The following HRNR variants were observed in gnomAD, a reference collection of about 807,000 sequenced individuals.
The protein encoded by HRNR is filaggrin family member 3.
HRNR carries 7 observed loss-of-function variants against 4.8 expected under a neutral mutation model. That is an observed-to-expected ratio of 1.47 (90% CI 0.83 to 2.75). HRNR has a LOEUF of 2.75. HRNR is among the 30% of genes most tolerant of loss of function. HRNR has a pLI of 0.00. For synonymous variants in HRNR, 1,023 were observed against 1,242.7 expected, an observed-to-expected ratio of 0.82 and a Z score of 3.72; for missense variants, 2,879 against 3,010.4, an observed-to-expected ratio of 0.96 and a Z score of 1.02.
intron 2 of HRNR, among the ~76,000 whole-genome samples, 175 bp from the exon 3 acceptor site, chr1:152,221,665 G>A (rs1160783337): frequency 6.6e-6 from 1 of 152,126 alleles, no homozygotes; most frequent in Admixed American, 6.5e-5. Context: ...AAAGGAATAT[G>A]GAATGAATAA....
Position 152,220,169 on chromosome 1 carries a change from T to C in HRNR, c.1460A>G (p.His487Arg), listed in dbSNP as rs757267779. ...GYTQHGSGSG[H>R]SSGHGQHGSR... is the part of the protein sequence containing the mutation. ...GCCGTGTTGTCCGTGGCCGGAGGAG[T>C]GACCTGAGCCAGATCCATGCTGAGT... The change falls in exon 3 of 3, where the codon CAC (histidine) becomes CGC (arginine). Residue 487 changes from histidine to arginine, a missense_variant. By Grantham distance (29) the His-to-Arg change is conservative (BLOSUM62 0). Transcript: ENST00000368801. 1 of 1,612,892 alleles carries C rather than the reference T, an allele frequency of 6.2e-7. No homozygotes were observed. The highest frequency in any genetic ancestry group is 2.2e-5 in the East Asian group (1 of 44,818).
rs778452988 is a variant in HRNR at position 152,219,971 on chromosome 1, C to T, written c.1658G>A (p.Arg553Lys). 2 of 1,613,386 alleles carry T rather than the reference C, an allele frequency of 1.2e-6. No individual in the cohort carries two copies. Among genetic ancestry groups the T allele is most frequent in the African/African-American group, 2.7e-5 (2 of 74,646 alleles). The change falls in exon 3 of 3, where the codon AGG becomes AAG. Residue 553 changes from arginine (R) to lysine (K), a missense_variant. Physicochemically the swap from Arg to Lys is conservative, Grantham distance 26. Around this residue, in one of 8 missense-constraint regions of HRNR, gnomAD observed 2,646 missense variants for 1,377.7 expected, o/e 1.92. Transcript: ENST00000368801. ...ATGTGGGCCATAGCTGGAAGACTGCCTGGAACCAGACTCATGTCGGCCACG... is the reference window on the plus strand; with the variant it reads ...ATGTGGGCCATAGCTGGAAGACTGCTTGGAACCAGACTCATGTCGGCCACG... ...PSRGRHESGS[R>K]QSSSYGPHGY...
rs974378625 is a variant in HRNR at position 152,212,976 on chromosome 1, C to T, written c.*100G>A. The T allele has an allele frequency of 1.1e-4, 161 of 1,483,728 alleles. No individual in the cohort carries two copies. The highest frequency in any genetic ancestry group is 6.6e-4 in the African/African-American group (47 of 71,126). The allele number at this position is 1,483,728 out of a possible 1,614,324, so 91.9% of individuals were successfully genotyped here. A position where few individuals can be genotyped will look rare whatever the true frequency, so the allele number is the denominator to read the frequency against. On this transcript the variant is annotated 3_prime_UTR_variant, in exon 3 of 3. Transcript: ENST00000368801. Reference sequence around the variant, plus strand: ...GAAATGCATTGATTCACTTTTAGAACGAATTTCATGATGGATTGCTTGTCT... The same window carrying T: ...GAAATGCATTGATTCACTTTTAGAATGAATTTCATGATGGATTGCTTGTCT...
rs1368661500 is a variant in HRNR, at chr1:152,220,833, G to A, written c.796C>T (p.Gln266Ter). The part of the protein sequence containing the change: ...GYGQHGSRSG[Q>*]SSRGERHRSS... ...CTGTGTCGTTCACCCCTAGATGACT[G>A]TCCTGACCTAGAGCCGTGTTGTCCG... Residue 266 changes from glutamine to a stop codon, truncating the protein, a stop_gained, in exon 3 of 3, where the codon CAG (glutamine) becomes TAG (stop). Coordinates refer to ENST00000368801, the MANE Select transcript of HRNR (RefSeq NM_001009931.3). LOFTEE classifies it low-confidence loss of function (END_TRUNC). The A allele has an allele frequency of 1.9e-6, 3 of 1,613,728 alleles. No homozygotes were observed. Among genetic ancestry groups the A allele is most frequent in the Non-Finnish European group, 2.5e-6 (3 of 1,179,954 alleles).
chr1:152,223,830 A>G (rs1176439043), intron 1 of HRNR, among the ~76,000 whole-genome samples: 1 of 152,192 alleles, frequency 6.6e-6, no homozygotes, highest in Admixed American at 6.5e-5. Context: ...TCCAAGCAGG[A>G]AGTGACCCTC....
chr1:152,220,764 C>G lies in HRNR; in HGVS notation c.865G>C (p.Gly289Arg). ...CCGTGGCCCAAAGACTGACGGGAACCAGACCCATGCTGACCATAGCTGGAA... is the reference window on the plus strand; with the variant it reads ...CCGTGGCCCAAAGACTGACGGGAACGAGACCCATGCTGACCATAGCTGGAA... ...SSSSYGQHGSGSRQSLGHGRQ... is the reference protein window; with the variant it reads ...SSSSYGQHGSRSRQSLGHGRQ... Residue 289 changes from glycine (G) to arginine (R), a missense_variant, in exon 3 of 3, where the codon GGT becomes CGT. Transcript: ENST00000368801. 1 of 1,614,170 alleles carries G rather than the reference C, an allele frequency of 6.2e-7. No individual in the cohort carries two copies. Among genetic ancestry groups the G allele is most frequent in the South Asian group, 1.1e-5 (1 of 91,088 alleles).
chr1:152,218,858 G>A lies in HRNR; in HGVS notation c.2771C>T (p.Ser924Phe), dbSNP rs1648781633. ...AAAGCCAGAAGACTGGCCTGAGCCA[G>A]ACCCATGTCGGCCACTGCTGGAAGA... ...GRSSSSGRHG[S>F]GSGQSSGFGH... is the part of the protein sequence containing the mutation. Residue 924 changes from serine to phenylalanine, a missense_variant, in exon 3 of 3, where the codon TCT becomes TTT. Coordinates refer to ENST00000368801, the MANE Select transcript of HRNR (RefSeq NM_001009931.3). The A allele has an allele frequency of 3.1e-6, 5 of 1,613,920 alleles. No homozygotes were observed. Among genetic ancestry groups the A allele is most frequent in the Non-Finnish European group, 4.2e-6 (5 of 1,179,988 alleles).
Position 152,218,686 on chromosome 1 carries a change from G to T in HRNR, c.2943C>A (p.Ser981=), listed in dbSNP as rs142440614. The change falls in exon 3 of 3, where the codon TCC becomes TCA. Residue 981 remains serine, a synonymous_variant. Transcript: ENST00000368801. ...EQHGSSSGSS[S]SYGQHGSGSR... ...AGCCAGACCCATGCTGACCATAGCT[G>T]GAAGACGAACCTGAGCTAGATCCAT... The T allele has an allele frequency of 1.2e-6, 2 of 1,613,822 alleles. No individual in the cohort carries two copies. Among genetic ancestry groups the T allele is most frequent in the South Asian group, 1.1e-5 (1 of 91,048 alleles).
At position 152,220,719 on chromosome 1, in the gene HRNR, G is replaced by T; in HGVS notation, c.910C>A (p.Arg304Ser). 1 of 1,612,462 alleles carries T rather than the reference G, an allele frequency of 6.2e-7. No individual in the cohort carries two copies. Among genetic ancestry groups the T allele is most frequent in the Non-Finnish European group, 8.5e-7 (1 of 1,179,292 alleles). Residue 304 changes from arginine to serine, a missense_variant, in exon 3 of 3, where the codon CGC (arginine) becomes AGC (serine). Physicochemically the swap from Arg to Ser is moderately radical, Grantham distance 110 (BLOSUM62 -1). Around this residue, in one of 8 missense-constraint regions of HRNR, gnomAD observed 2,646 missense variants for 1,377.7 expected, o/e 1.92. Transcript: ENST00000368801. Reference sequence around the variant, plus strand: ...TGTCGGACGTGGCTAGGAGACTGGCGAGATCCAGACCCTTGTCGGCCGTGG... The same window carrying T: ...TGTCGGACGTGGCTAGGAGACTGGCTAGATCCAGACCCTTGTCGGCCGTGG... ...LGHGRQGSGSRQSPSHVRHGS... is the reference protein window; with the variant it reads ...LGHGRQGSGSSQSPSHVRHGS...
Position 152,220,244 on chromosome 1 carries a change from G to T in HRNR, c.1385C>A (p.Ser462Tyr), listed in dbSNP as rs569089226. The T allele has an allele frequency of 6.2e-7, 1 of 1,613,576 alleles. No individual in the cohort carries two copies. Among genetic ancestry groups the T allele is most frequent in the African/African-American group, 1.3e-5 (1 of 74,878 alleles). Residue 462 changes from serine (S) to tyrosine (Y), a missense_variant, in exon 3 of 3, where the codon TCT becomes TAT. Ser to Tyr is a moderately radical substitution (Grantham distance 144). Around this residue, in one of 8 missense-constraint regions of HRNR, gnomAD observed 2,646 missense variants for 1,377.7 expected, o/e 1.92. Transcript: ENST00000368801. ...AGACTCGTGGTGACCAAAGCCAGAA[G>T]AGTAGCCTGAACCAGACACATATGG... ...SGPYVSGSGY[S>Y]SGFGHHESSS... is the part of the protein sequence containing the mutation.
chr1:152,221,526 A>G, intron 2 of HRNR, 36 bp from the exon 3 acceptor site: 2 of 1,448,696 alleles, frequency 1.4e-6, no homozygotes, highest in Admixed American at 2.1e-5. Flanking sequence ...TAGCTCTGTT[A>G]GTATGGACAA....
At position 152,219,013 on chromosome 1, in the gene HRNR, A is replaced by G. The variant is rs564308462; in HGVS notation, c.2616T>C (p.Ser872=). ...CGCGGCCCGAAGCGTGATGGGAGGC[A>G]GACTCATGCTGACCATAGCTGGAAG... is the stretch of plus-strand genomic sequence containing the variant. ...GQSSSYGQHE[S]ASHHASGRGR... Residue 872 remains serine, a synonymous_variant, in exon 3 of 3, where the codon TCT becomes TCC. Coordinates refer to ENST00000368801, the MANE Select transcript of HRNR (RefSeq NM_001009931.3). 3.7e-6 allele frequency: 6 copies of G among 1,613,018 alleles called. No individual in the cohort carries two copies. In the East Asian group the frequency reaches 1.1e-4, roughly 30 times the overall value.
rs1318680323 is a variant in HRNR, at chr1:152,220,224, CGTG to C, written c.1402_1404del (p.His468del). 3.7e-5 allele frequency: 60 copies of C among 1,613,536 alleles called. No homozygotes were observed. The highest frequency in any genetic ancestry group is 4.5e-5 in the Non-Finnish European group (53 of 1,179,794). On this transcript the variant is annotated inframe_deletion, in exon 3 of 3. Coordinates refer to ENST00000368801, the MANE Select transcript of HRNR (RefSeq NM_001009931.3). ...CCAGAGGAATGCTCTGAGCTAGACT[CGTG>C]GTGACCAAAGCCAGAAGAGTAGCCT...
chr1:152,223,401 G>T, intron 1 of HRNR, 123 bp from the exon 2 acceptor site: 1 of 652,564 alleles, frequency 1.5e-6, no homozygotes, highest in Non-Finnish European at 2.5e-6. Context: ...AATTCATTCT[G>T]TTGTAATCAA....
chr1:152,219,474 C>G lies in HRNR; in HGVS notation c.2155G>C (p.Gly719Arg), dbSNP rs772275322. 1.2e-5 allele frequency: 20 copies of G among 1,613,958 alleles called. 1 individual carries two copies. The highest frequency in any genetic ancestry group is 5.5e-5 in the South Asian group (5 of 91,060). ...CTGTAGCCGGAGGAGTGACTTGAGCCAGATCCATGCTGACTGTAACCAGAG... is the reference window on the plus strand; with the variant it reads ...CTGTAGCCGGAGGAGTGACTTGAGCGAGATCCATGCTGACTGTAACCAGAG... ...QSSGYSQHGS[G>R]SSHSSGYRKH... The change falls in exon 3 of 3, where the codon GGC (glycine) becomes CGC (arginine). Residue 719 changes from glycine to arginine, a missense_variant. This residue lies in a region of HRNR where 2,646 missense variants were observed against 1,377.7 expected (regional missense o/e 1.92). Coordinates refer to ENST00000368801, the MANE Select transcript of HRNR (RefSeq NM_001009931.3).
rs368722419 is a variant in HRNR at position 152,218,633 on chromosome 1, T to C, written c.2996A>G (p.His999Arg). Reference protein sequence around the residue: ...GSRQSLGHGQHGSGSGQSPSP... With the variant: ...GSRQSLGHGQRGSGSGQSPSP... ...AGGAGACTGGCCAGATCCAGACCCA[T>C]GTTGGCCGTGGCCCAAAGACTGACG... Residue 999 changes from histidine (H) to arginine (R), a missense_variant, in exon 3 of 3, where the codon CAT (histidine) becomes CGT (arginine). His to Arg is a conservative substitution (Grantham distance 29). Around this residue, in one of 8 missense-constraint regions of HRNR, gnomAD observed 2,646 missense variants for 1,377.7 expected, o/e 1.92. Transcript: ENST00000368801. The C allele has an allele frequency of 6.8e-6, 11 of 1,611,292 alleles. No individual in the cohort carries two copies. The African/African-American group carries it at 9.5e-5, about 14-fold the overall frequency.
chr1:152,218,585 C>A lies in HRNR; in HGVS notation c.3044G>T (p.Gly1015Val), dbSNP rs202215055. 6.2e-7 allele frequency: 1 copy of A among 1,613,832 alleles called. No homozygotes were observed. Among genetic ancestry groups the A allele is most frequent in the East Asian group, 2.2e-5 (1 of 44,836 alleles). The part of the protein sequence containing the change: ...QSPSPSRGRH[G>V]SGSGQSSSYG... The stretch of plus-strand genomic sequence containing the variant: ...GCTGGAAGACTGCCCGGAACCAGAC[C>A]CATGTCGGCCACGGCTAGGGCTAGG... The change falls in exon 3 of 3, where the codon GGG becomes GTG. Residue 1015 changes from glycine (G) to valine (V), a missense_variant. Transcript: ENST00000368801.
chr1:152,219,693 A>T lies in HRNR; in HGVS notation c.1936T>A (p.Ser646Thr). Residue 646 changes from serine to threonine, a missense_variant, in exon 3 of 3, where the codon TCT becomes ACT. Physicochemically the swap from Ser to Thr is moderately conservative, Grantham distance 58 (BLOSUM62 1). Transcript: ENST00000368801. ...GAGCCCTGTTGGCCATAGCGAGAAG[A>T]CTGACTTGAGCCAGAGCCATGCTGA... ...HGQHGSGSSQ[S>T]SRYGQQGSGS... The T allele has an allele frequency of 6.2e-7, 1 of 1,613,378 alleles. No individual in the cohort carries two copies. The highest frequency in any genetic ancestry group is 8.5e-7 in the Non-Finnish European group (1 of 1,179,530).
At position 152,220,333 on chromosome 1, in the gene HRNR, C is replaced by G. The variant is rs772319115; in HGVS notation, c.1296G>C (p.Gly432=). 6.2e-7 allele frequency: 1 copy of G among 1,613,140 alleles called. No individual in the cohort carries two copies. The highest frequency in any genetic ancestry group is 8.5e-7 in the Non-Finnish European group (1 of 1,179,708). ...GGCCGGAGCTGGGAGACTGCCCTGA[C>G]CCAGACCCACGCTGGCCGTGGCCTG... ...QSPGHGQRGS[G]SGQSPSSGQH... The change falls in exon 3 of 3, where the codon GGG becomes GGC. Residue 432 remains glycine, a synonymous_variant. Coordinates refer to ENST00000368801, the MANE Select transcript of HRNR (RefSeq NM_001009931.3).
Sources: allele counts gnomAD v4.1 joint callset (sites outside exome capture counted in the v4.1 genomes callset), GRCh38; gene constraint gnomAD v4.1.1; regional missense constraint gnomAD v4.1.1; transcripts MANE v1.5; gene names NCBI Gene and HGNC (gene_info 2026-07-23, HGNC 2026-07-21).